Variants in PRKCE observed in about 807,000 individuals in gnomAD.
PRKCE encodes the protein protein kinase C epsilon type.
A neutral mutation model predicts 85.4 loss-of-function variants in PRKCE; 16 were observed. That is an observed-to-expected ratio of 0.19 (90% CI 0.13 to 0.28). The LOEUF (loss-of-function observed/expected upper bound fraction) is 0.28, where lower values mean the gene tolerates loss of function less well. Ranked by LOEUF, PRKCE falls within the 10% of genes least tolerant of loss-of-function variation. The probability of loss-of-function intolerance (pLI) is 1.00; values close to 1 mark genes in which losing one functional copy is unlikely to be tolerated. For synonymous variants in PRKCE, 388 were observed against 371.5 expected (o/e 1.04, Z -0.51); for missense variants, 573 against 975.2 (o/e 0.59, Z 5.49).
chr2:45,665,698 A>C (rs115527021), intron 1 of PRKCE, among the ~76,000 whole-genome samples: 2,630 of 152,322 alleles, frequency 0.017, 89 homozygotes, highest in African/African-American at 0.06. Flanking sequence ...AACAATGAAT[A>C]CTTTTTTTTC....
chr2:46,105,555 A>T (rs1220671534), intron 11 of PRKCE, among the ~76,000 whole-genome samples: 2 of 151,676 alleles, frequency 1.3e-5, no homozygotes, highest in African/African-American at 4.8e-5. Flanking sequence ...CAAGAAATTC[A>T]CCTTTTTCTT....
At chr2:45,841,436 G>A (rs1275981610) in intron 1 of PRKCE, among the ~76,000 whole-genome samples, 1 of 152,100 alleles carries the variant, frequency 6.6e-6, no homozygotes, top group Non-Finnish European at 1.5e-5. Context: ...GATGTTTGAG[G>A]GCAAAAAGCA....
chr2:45,714,756 G>T (rs1448833585), intron 1 of PRKCE, among the ~76,000 whole-genome samples: 2 of 152,192 alleles, frequency 1.3e-5, no homozygotes, highest in African/African-American at 4.8e-5. Flanking sequence ...TGACTCAGGG[G>T]ATGATGAGCC....
At chr2:45,922,838 A>G (rs1374523583) in intron 2 of PRKCE, among the ~76,000 whole-genome samples, 2 of 152,150 alleles carry the variant, frequency 1.3e-5, no homozygotes, top group Non-Finnish European at 2.9e-5. Context: ...ACGCCTAAGA[A>G]CCATCACACC....
rs577654808 is a variant in PRKCE at position 45,781,194 on chromosome 2, G to A, written c.349-61806G>A. ...CTACAAAATAATAATAAAAAAAAAA[G>A]CCTGGTGTGGAGTATGTCTGTGATC... On this transcript the variant is annotated intron_variant, in intron 1 of 14. Transcript: ENST00000306156. Among the ~76,000 whole-genome samples, 10 of 151,664 alleles carry A rather than the reference G, an allele frequency of 6.6e-5. No homozygotes were observed. The East Asian group carries it at 1.4e-3, about 21-fold the overall frequency.
At chr2:46,130,189 G>A (rs1674281942) in intron 11 of PRKCE, among the ~76,000 whole-genome samples, 1 of 151,846 alleles carries the variant, frequency 6.6e-6, no homozygotes, top group African/African-American at 2.4e-5. Context: ...TTACAAAATT[G>A]GAAAGAGACA....
intron 10 of PRKCE, among the ~76,000 whole-genome samples, chr2:46,037,113 G>A (rs1302091658): frequency 6.6e-6 from 1 of 152,168 alleles, no homozygotes; most frequent in Non-Finnish European, 1.5e-5. Context: ...ACCCATTCCA[G>A]TGATGACTAT....
intron 1 of PRKCE, among the ~76,000 whole-genome samples, chr2:45,841,097 C>G (rs1375926161): frequency 6.6e-6 from 1 of 152,196 alleles, no homozygotes; most frequent in Non-Finnish European, 1.5e-5. Flanking sequence ...ATCATACTTT[C>G]TGTCTATCAG....
intron 2 of PRKCE, among the ~76,000 whole-genome samples, chr2:45,904,168 T>C (rs1042843354): frequency 5.3e-5 from 8 of 152,102 alleles, no homozygotes; most frequent in Non-Finnish European, 1.2e-4. Flanking sequence ...CCTCCCAATA[T>C]GCTGGGATTA....
At chr2:46,154,452 G>GC (rs1676992232) in intron 13 of PRKCE, among the ~76,000 whole-genome samples, 1 of 76,310 alleles carries the variant, frequency 1.3e-5, no homozygotes, top group East Asian at 4.5e-4. Context: ...TCCCCACCCC[G>GC]CCCCACCCCC....
intron 1 of PRKCE, among the ~76,000 whole-genome samples, chr2:45,728,054 C>A (rs1681235239): frequency 6.6e-6 from 1 of 152,178 alleles, no homozygotes; most frequent in Admixed American, 6.5e-5. Flanking sequence ...GAGTAAACAC[C>A]ATGCCTCGCT....
chr2:45,930,103 C>T (rs1233417478), intron 2 of PRKCE, among the ~76,000 whole-genome samples: 1 of 152,182 alleles, frequency 6.6e-6, no homozygotes, highest in Non-Finnish European at 1.5e-5. Context: ...TGTTGGTTTC[C>T]TTTGGCAGTC....
In PRKCE at chr2:46,184,506, C is replaced by T. The variant is rs1162962750; in HGVS notation, c.2068-229C>T. The stretch of plus-strand genomic sequence containing the variant: ...TCCCTGCTTTTCCATCATACCCTCT[C>T]ACCCCTTCTTCCTTCTCACCTTGAC... On this transcript the variant is annotated intron_variant, in intron 14 of 14. Coordinates refer to ENST00000306156, the MANE Select transcript of PRKCE (RefSeq NM_005400.3). This position sits in a 1 kb window ranked among gnomAD's most constrained non-coding sequence, Gnocchi z 5.0. Among the ~76,000 whole-genome samples the T allele has an allele frequency of 9.2e-5, 14 of 152,188 alleles. No homozygotes were observed. Among genetic ancestry groups the T allele is most frequent in the Non-Finnish European group, 1.5e-5 (1 of 68,040 alleles).
chr2:46,010,930 T>C, intron 10 of PRKCE: 1 of 1,425,954 alleles, frequency 7.0e-7, no homozygotes, highest in Non-Finnish European at 9.1e-7. Context: ...CTAATCTGTG[T>C]AATGTCATCT....
intron 1 of PRKCE, among the ~76,000 whole-genome samples, chr2:45,698,360 C>T (rs1678326992): frequency 6.6e-6 from 1 of 151,972 alleles, no homozygotes; most frequent in South Asian, 2.1e-4. Flanking sequence ...ACAAAAATTT[C>T]CAGTTGGGGG....
At chr2:45,846,679 C>A (rs1304273544) in intron 2 of PRKCE, among the ~76,000 whole-genome samples, 1 of 152,162 alleles carries the variant, frequency 6.6e-6, no homozygotes, top group Non-Finnish European at 1.5e-5. Flanking sequence ...CTCTGTGGGA[C>A]TCAACAGATA....
intron 14 of PRKCE, among the ~76,000 whole-genome samples, chr2:46,177,508 C>T (rs762306540): frequency 2.0e-5 from 3 of 152,152 alleles, no homozygotes; most frequent in South Asian, 2.1e-4. Flanking sequence ...TTCACTGGCT[C>T]GTGCCACACA....
Position 46,159,819 on chromosome 2 carries a change from T to C in PRKCE, c.2067+67T>C. 1 of 1,577,372 alleles carries C rather than the reference T, an allele frequency of 6.3e-7. No homozygotes were observed. Among genetic ancestry groups the C allele is most frequent in the South Asian group, 1.1e-5 (1 of 87,766 alleles). ...CCAGGTACTTGCAGGACAGGCTGCG[T>C]GCACCCAGGAAGAGTTGGTCAGGGG... On this transcript the variant is annotated intron_variant, in intron 14 of 14. Transcript: ENST00000306156. This position sits in a 1 kb window ranked among gnomAD's most constrained non-coding sequence, Gnocchi z 4.1.
At chr2:46,012,284 CT>C (rs904625997) in intron 10 of PRKCE, among the ~76,000 whole-genome samples, 18 of 151,962 alleles carry the variant, frequency 1.2e-4, no homozygotes, top group African/African-American at 4.3e-4. Context: ...ATCTCTCTCT[CT>C]TTTCCTTTCT....
Sources: allele counts gnomAD v4.1 joint callset (sites outside exome capture counted in the v4.1 genomes callset), GRCh38; gene constraint gnomAD v4.1.1; non-coding constraint Gnocchi (gnomAD v3.1); transcripts MANE v1.5; gene names NCBI Gene and HGNC (gene_info 2026-07-23, HGNC 2026-07-21).